The following FCHSD2 variants were observed in gnomAD, a reference collection of about 807,000 sequenced individuals.
The protein encoded by FCHSD2 is F-BAR and double SH3 domains protein 2.
FCHSD2 carries 38 observed loss-of-function variants against 108.1 expected under a neutral mutation model. That is an observed-to-expected ratio of 0.35 (90% CI 0.27 to 0.46). FCHSD2 has a LOEUF of 0.46. Among genes scored for constraint, FCHSD2 ranks in the 20% least tolerant of loss-of-function variants. The pLI is 1.00. For missense variants in FCHSD2, 751 were observed against 897.8 expected (o/e 0.84, Z 2.09); for synonymous variants, 279 against 314.7 (o/e 0.89, Z 1.20).
At chr11:72,866,186 A>C (rs1383276335) in intron 13 of FCHSD2, among the ~76,000 whole-genome samples, 1 of 152,222 alleles carries the variant, frequency 6.6e-6, no homozygotes, top group Non-Finnish European at 1.5e-5. Context: ...TCTGAAGTAG[A>C]TGAGCATTAT....
intron 12 of FCHSD2, among the ~76,000 whole-genome samples, chr11:72,876,135 G>A (rs1854964529): frequency 6.6e-6 from 1 of 152,026 alleles, no homozygotes; most frequent in South Asian, 2.1e-4. Context: ...AGGCAGCCTG[G>A]GCAAAATAGC....
chr11:72,929,265 A>T (rs1055097225), intron 8 of FCHSD2, among the ~76,000 whole-genome samples: 3 of 152,190 alleles, frequency 2.0e-5, no homozygotes, highest in Non-Finnish European at 4.4e-5. Context: ...GTCAAATGGT[A>T]TTTCTAGTTC....
chr11:73,021,200 C>T (rs1342540239), intron 3 of FCHSD2, among the ~76,000 whole-genome samples: 1 of 151,322 alleles, frequency 6.6e-6, no homozygotes, highest in Non-Finnish European at 1.5e-5. Flanking sequence ...TATAAATGAC[C>T]CATCCTATTT....
intron 2 of FCHSD2, among the ~76,000 whole-genome samples, chr11:73,090,003 A>C: frequency 6.6e-6 from 1 of 152,138 alleles, no homozygotes; most frequent in East Asian, 1.9e-4. Context: ...AGAGATAATA[A>C]AACAAAAGTT....
chr11:73,104,176 G>A (rs1014807832), intron 2 of FCHSD2, among the ~76,000 whole-genome samples: 2 of 152,214 alleles, frequency 1.3e-5, no homozygotes, highest in African/African-American at 4.8e-5. Context: ...GCATTAGTGA[G>A]AAACACTATG....
At chr11:72,919,657 TATA>T (rs1855942113) in intron 9 of FCHSD2, among the ~76,000 whole-genome samples, 1 of 152,190 alleles carries the variant, frequency 6.6e-6, no homozygotes, top group Non-Finnish European at 1.5e-5. Context: ...CTGTTACGAC[TATA>T]ATGTTTCCTG....
intron 9 of FCHSD2, among the ~76,000 whole-genome samples, chr11:72,918,239 T>C (rs2135306239): frequency 6.6e-6 from 1 of 152,298 alleles, no homozygotes; most frequent in East Asian, 1.9e-4. Flanking sequence ...TTTTGTGTTT[T>C]TATCTTATAT....
intron 19 of FCHSD2, 77 bp from the exon 20 acceptor site, chr11:72,838,951 T>C: frequency 7.3e-7 from 1 of 1,364,334 alleles, no homozygotes; most frequent in African/African-American, 1.4e-5. Flanking sequence ...ACCTAATCAC[T>C]CATCTGTCCA....
chr11:73,105,032 C>T (rs772908222), intron 2 of FCHSD2, among the ~76,000 whole-genome samples: 3 of 152,212 alleles, frequency 2.0e-5, no homozygotes, highest in South Asian at 4.1e-4. Flanking sequence ...TAAAGTACTT[C>T]AAGTTTTTCA....
chr11:72,905,265 T>C (rs1855604626), intron 9 of FCHSD2, among the ~76,000 whole-genome samples: 1 of 152,168 alleles, frequency 6.6e-6, no homozygotes, highest in South Asian at 2.1e-4. Context: ...CTCCTTTTTT[T>C]CAAAAAGTTT....
At chr11:72,903,519 T>C (rs1019174974) in intron 9 of FCHSD2, among the ~76,000 whole-genome samples, 13 of 151,914 alleles carry the variant, frequency 8.6e-5, no homozygotes, top group African/African-American at 2.9e-4. Context: ...GCGCCCGGCC[T>C]GGAATTTCTA....
intron 7 of FCHSD2, among the ~76,000 whole-genome samples, 168 bp from the exon 8 acceptor site, chr11:72,984,384 T>A (rs915466792): frequency 6.6e-6 from 1 of 152,186 alleles, no homozygotes; most frequent in South Asian, 2.1e-4. Context: ...TACTAAGGAA[T>A]GAAACAGTGA....
At chr11:72,992,917 T>C (rs931491827) in intron 5 of FCHSD2, among the ~76,000 whole-genome samples, 3 of 152,150 alleles carry the variant, frequency 2.0e-5, no homozygotes, top group African/African-American at 7.2e-5. Flanking sequence ...TAGGATCTAA[T>C]TAAACTAAAG....
chr11:72,877,722 G>A (rs1854998806), intron 12 of FCHSD2, among the ~76,000 whole-genome samples: 1 of 152,094 alleles, frequency 6.6e-6, no homozygotes. Context: ...AATATACAAA[G>A]CAGGCTGGGC....
intron 2 of FCHSD2, among the ~76,000 whole-genome samples, chr11:73,087,721 T>A (rs528866332): frequency 0.02 from 3,014 of 148,236 alleles, 44 homozygotes; most frequent in South Asian, 0.041. Flanking sequence ...AAAAAAAAAA[T>A]TTTTAAAATA....
Position 72,841,288 on chromosome 11 carries a change from G to A in FCHSD2, c.2056+166C>T, listed in dbSNP as rs116210010. 0.011 allele frequency among the ~76,000 whole-genome samples: 1,347 copies of A among 126,784 alleles called. 23 individuals carry two copies. Among genetic ancestry groups the A allele is most frequent in the African/African-American group, 0.038 (1,232 of 32,608 alleles). The allele number at this position is 126,784 out of a possible 152,430, so 83.2% of individuals were successfully genotyped here. ...ATTGGTTGCTATGAGCCGTGATCAT[G>A]CCACTGAACTCCAGCCTGGGTGTCC... is the stretch of plus-strand genomic sequence containing the variant. On this transcript the variant is annotated intron_variant, in intron 18 of 19. Transcript: ENST00000409418.
At chr11:73,033,867 T>TA (rs1487394030) in intron 3 of FCHSD2, among the ~76,000 whole-genome samples, 1 of 152,192 alleles carries the variant, frequency 6.6e-6, no homozygotes, top group Admixed American at 6.5e-5. Flanking sequence ...TGTATTTACC[T>TA]ATTTGATGAC....
chr11:73,036,378 G>A (rs370588594), intron 3 of FCHSD2, among the ~76,000 whole-genome samples: 3 of 150,388 alleles, frequency 2.0e-5, no homozygotes, highest in African/African-American at 7.3e-5. Flanking sequence ...ATTTCACAAC[G>A]TTATATCGGT....
At chr11:72,873,670 C>A (rs1196613776) in intron 12 of FCHSD2, among the ~76,000 whole-genome samples, 1 of 152,132 alleles carries the variant, frequency 6.6e-6, no homozygotes, top group Admixed American at 6.5e-5. Flanking sequence ...CAAAGACTTA[C>A]CCCTGTGGTT....
Sources: allele counts gnomAD v4.1 joint callset (sites outside exome capture counted in the v4.1 genomes callset), GRCh38; gene constraint gnomAD v4.1.1; transcripts MANE v1.5; gene names NCBI Gene and HGNC (gene_info 2026-07-23, HGNC 2026-07-21).